The following PCCA variants were observed in gnomAD, a reference collection of about 807,000 sequenced individuals.
PCCA encodes propionyl-CoA carboxylase alpha chain, mitochondrial.
PCCA carries 74 observed loss-of-function variants against 101.3 expected under a neutral mutation model. That is an observed-to-expected ratio of 0.73 (90% CI 0.61 to 0.89). The LOEUF (loss-of-function observed/expected upper bound fraction) is 0.89, where lower values mean the gene tolerates loss of function less well. PCCA is among the 40% of genes least tolerant of loss of function. The pLI, the probability that PCCA is intolerant of heterozygous loss-of-function variation, is 0.00. For synonymous variants in PCCA, 294 were observed against 313.6 expected (o/e 0.94, Z 0.66); for missense variants, 891 against 907.0 (o/e 0.98, Z 0.23).
rs763465949 is a variant in PCCA, at chr13:100,289,155, G to T, written c.1066-12305G>T. On this transcript the variant is annotated intron_variant, in intron 12 of 23. Coordinates refer to ENST00000376285, the MANE Select transcript of PCCA (RefSeq NM_000282.4). ...TTTATGACTCTTGTACATGAGTTAT[G>T]TGGCTATTTTCTTGCCTGAATGTTT... Among the ~76,000 whole-genome samples the T allele has an allele frequency of 6.8e-4, 104 of 152,128 alleles. 1 individual carries two copies. The highest frequency in any genetic ancestry group is 9.4e-4 in the Non-Finnish European group (64 of 68,022).
intron 11 of PCCA, 95 bp from the exon 12 acceptor site, chr13:100,273,101 T>C: frequency 1.2e-6 from 1 of 865,444 alleles, no homozygotes; most frequent in Non-Finnish European, 1.9e-6. Context: ...ATGATCTATA[T>C]CTGAGTAAAC....
At chr13:100,179,732 TGTGTGTGTGTGTTTG>T (rs2056617186) in intron 6 of PCCA, among the ~76,000 whole-genome samples, 1 of 92,346 alleles carries the variant, frequency 1.1e-5, no homozygotes, top group Non-Finnish European at 2.6e-5. Flanking sequence ...TTCCTGTCTG[TGTGTGTGTGTGTTTG>T]TGTGTGTGTG....
At chr13:100,228,284 G>T (rs1028245121) in intron 7 of PCCA, among the ~76,000 whole-genome samples, 5 of 152,126 alleles carry the variant, frequency 3.3e-5, no homozygotes, top group Admixed American at 2.6e-4. Flanking sequence ...CCAGAGTGCT[G>T]GGATTACAGG....
At chr13:100,244,905 T>A (rs1594900830) in intron 8 of PCCA, among the ~76,000 whole-genome samples, 1 of 149,900 alleles carries the variant, frequency 6.7e-6, no homozygotes, top group East Asian at 1.9e-4. Flanking sequence ...TTTGTATATA[T>A]GTGTATGACA....
chr13:100,409,746 T>G (rs2077916875), intron 19 of PCCA, among the ~76,000 whole-genome samples: 1 of 152,184 alleles, frequency 6.6e-6, no homozygotes, highest in African/African-American at 2.4e-5. Context: ...CTTTTAGAGT[T>G]GGCCATTTTT....
At chr13:100,492,689 C>T (rs1432962832) in intron 21 of PCCA, among the ~76,000 whole-genome samples, 7 of 151,012 alleles carry the variant, frequency 4.6e-5, no homozygotes, top group South Asian at 4.2e-4. Flanking sequence ...TGGCTCACCA[C>T]GCCCCCCTCT....
intron 9 of PCCA, among the ~76,000 whole-genome samples, chr13:100,258,788 C>G (rs930195657): frequency 1.3e-5 from 2 of 151,842 alleles, no homozygotes; most frequent in Non-Finnish European, 2.9e-5. Flanking sequence ...CCCTTTCTTG[C>G]CAAGTAAATA....
intron 2 of PCCA, among the ~76,000 whole-genome samples, chr13:100,104,196 G>A (rs891716442): frequency 6.6e-6 from 1 of 152,166 alleles, no homozygotes; most frequent in African/African-American, 2.4e-5. Context: ...ACATGTCTGA[G>A]GTATCTTCTG....
chr13:100,168,939 G>A (rs1396594697), intron 6 of PCCA, among the ~76,000 whole-genome samples: 1 of 151,960 alleles, frequency 6.6e-6, no homozygotes, highest in Non-Finnish European at 1.5e-5. Flanking sequence ...ATTGTTGTTG[G>A]GATTTTTGTT....
At chr13:100,314,155 G>C (rs1205848447) in intron 16 of PCCA, among the ~76,000 whole-genome samples, 2 of 152,058 alleles carry the variant, frequency 1.3e-5, no homozygotes, top group Non-Finnish European at 2.9e-5. Flanking sequence ...AGGGTTGTAG[G>C]TGATAATTTG....
intron 22 of PCCA, among the ~76,000 whole-genome samples, chr13:100,526,256 G>A (rs1226045908): frequency 1.3e-5 from 2 of 152,212 alleles, no homozygotes; most frequent in African/African-American, 4.8e-5. Context: ...AACAGCCCTC[G>A]AGGCTGATTC....
intron 19 of PCCA, among the ~76,000 whole-genome samples, chr13:100,408,948 C>G (rs60553410): frequency 6.6e-6 from 1 of 152,156 alleles, no homozygotes; most frequent in Non-Finnish European, 1.5e-5. Flanking sequence ...GTTCTTTCAC[C>G]GAGGAGAGAA....
At chr13:100,112,206 A>C in intron 4 of PCCA, 145 bp downstream of exon 4, 8 of 648,730 alleles carry the variant, frequency 1.2e-5, no homozygotes, top group East Asian at 5.6e-5. Context: ...TGTTAAGCAA[A>C]ACGACAGTAT....
At chr13:100,311,611 A>G (rs1220249304) in intron 16 of PCCA, among the ~76,000 whole-genome samples, 1 of 151,712 alleles carries the variant, frequency 6.6e-6, no homozygotes. Context: ...CTCTAGTAAA[A>G]ATACAAAAAT....
At chr13:100,109,856 G>A (rs779049802) in intron 2 of PCCA, among the ~76,000 whole-genome samples, 5 of 152,332 alleles carry the variant, frequency 3.3e-5, no homozygotes, top group Non-Finnish European at 7.3e-5. Flanking sequence ...TCTAGGCCGG[G>A]TGTGGTGGCT....
At chr13:100,451,737 T>TTCTCTC (rs2081260639) in intron 21 of PCCA, among the ~76,000 whole-genome samples, 1 of 113,118 alleles carries the variant, frequency 8.8e-6, no homozygotes, top group Non-Finnish European at 1.8e-5. Flanking sequence ...TCTCTCTCTC[T>TTCTCTC]CTTCTCTCCT....
At chr13:100,280,361 T>C (rs1296881474) in intron 12 of PCCA, among the ~76,000 whole-genome samples, 3 of 151,934 alleles carry the variant, frequency 2.0e-5, no homozygotes, top group Admixed American at 6.6e-5. Context: ...CCAGTGCCGA[T>C]CTCTGTGTAT....
chr13:100,213,336 C>G (rs560041764), intron 7 of PCCA, among the ~76,000 whole-genome samples: 1 of 152,146 alleles, frequency 6.6e-6, no homozygotes, highest in Non-Finnish European at 1.5e-5. Flanking sequence ...AGTGGCTTTA[C>G]TAATTTGCAT....
intron 6 of PCCA, among the ~76,000 whole-genome samples, chr13:100,167,578 A>C (rs751120551): frequency 6.6e-6 from 1 of 152,104 alleles, no homozygotes; most frequent in Non-Finnish European, 1.5e-5. Flanking sequence ...AAAAATAGAT[A>C]TATGTAATTT....
Sources: gnomAD v4.1 joint callset for allele counts (sites outside exome capture counted in the v4.1 genomes callset) on GRCh38, gnomAD v4.1.1 for gene constraint, MANE v1.5 for transcripts, NCBI Gene and HGNC (gene_info 2026-07-23, HGNC 2026-07-21) for gene names.